The following IGF1R variants were observed in gnomAD, a reference collection of about 807,000 sequenced individuals.
IGF1R encodes insulin-like growth factor 1 receptor.
IGF1R carries 44 observed loss-of-function variants against 144.6 expected under a neutral mutation model. The ratio of observed to expected loss-of-function variants is 0.30; its 90% CI spans 0.24 to 0.39. The LOEUF is 0.39. IGF1R is among the 10% of genes least tolerant of loss of function. IGF1R has a pLI of 1.00. For synonymous variants in IGF1R, 795 were observed against 722.8 expected (o/e 1.10, Z -1.60); for missense variants, 1,355 against 1,833.7 (o/e 0.74, Z 4.77).
At chr15:98,783,817 G>T (rs1325916310) in intron 2 of IGF1R, among the ~76,000 whole-genome samples, 2 of 152,126 alleles carry the variant, frequency 1.3e-5, no homozygotes, top group Admixed American at 1.3e-4. Context: ...CGATGCTGTT[G>T]CTAGAAAGTG....
rs2053804660 is a variant in IGF1R, at chr15:98,704,162, C to T, written c.95-3400C>T. Among the ~76,000 whole-genome samples the T allele has an allele frequency of 1.3e-5, 2 of 151,834 alleles. No individual in the cohort carries two copies. Among genetic ancestry groups the T allele is most frequent in the Non-Finnish European group, 1.5e-5 (1 of 68,000 alleles). On this transcript the variant is annotated intron_variant, in intron 1 of 20. Coordinates refer to ENST00000650285, the MANE Select transcript of IGF1R (RefSeq NM_000875.5). The surrounding 1 kb of genome is among the most constrained non-coding windows in gnomAD (Gnocchi z 4.9). ...CTCCACAAAGGGTAATAAAATGGTT[C>T]GTTGTATACAAACTTTGTTTCATGC...
rs1461059080 is a variant in IGF1R at position 98,891,352 on chromosome 15, C to T, written c.668C>T (p.Ala223Val). The T allele has an allele frequency of 8.7e-6, 14 of 1,607,652 alleles. No homozygotes were observed. Among genetic ancestry groups the T allele is most frequent in the East Asian group, 2.2e-5 (1 of 44,884 alleles). ...KMCPSTCGKR[A>V]CTENNECCHP... ...TGCCCAAGCACGTGTGGGAAGCGGG[C>T]GTGCACCGAGAACAATGAGTGCTGC... Residue 223 changes from alanine to valine, a missense_variant, in exon 3 of 21, where the codon GCG becomes GTG. Ala to Val is a moderately conservative substitution (Grantham distance 64, BLOSUM62 0). Coordinates refer to ENST00000650285, the MANE Select transcript of IGF1R (RefSeq NM_000875.5). This position sits in a 1 kb window ranked among gnomAD's most constrained non-coding sequence, Gnocchi z 4.7.
In IGF1R at chr15:98,661,851, CTT is replaced by C. The variant is rs1160547327; in HGVS notation, c.94+12182_94+12183del. Among the ~76,000 whole-genome samples, 5 of 151,576 alleles carry C rather than the reference CTT, an allele frequency of 3.3e-5. No individual in the cohort carries two copies. In the East Asian group the frequency reaches 5.8e-4, roughly 18 times the overall value. On this transcript the variant is annotated intron_variant, in intron 1 of 20. Transcript: ENST00000650285. The stretch of plus-strand genomic sequence containing the variant: ...GCATCCAATAAATGGATGCTTTTCT[CTT>C]TTTTTCTCCTCCTCATGGTGGGTGG...
chr15:98,820,009 C>T (rs2056772333), intron 2 of IGF1R, among the ~76,000 whole-genome samples: 1 of 152,154 alleles, frequency 6.6e-6, no homozygotes, highest in Non-Finnish European at 1.5e-5. Flanking sequence ...ATAGTTTAAT[C>T]TCATAGACCC....
chr15:98,899,544 C>G lies in IGF1R; in HGVS notation c.1170C>G (p.Ile390Met), dbSNP rs1220556938. Reference protein sequence around the residue: ...LIEVVTGYVKIRHSHALVSLS... With the variant: ...LIEVVTGYVKMRHSHALVSLS... Reference sequence around the variant, plus strand: ...AGGTGGTGACGGGCTACGTGAAGATCCGCCATTCTCATGCCTTGGTCTCCT... The same window carrying G: ...AGGTGGTGACGGGCTACGTGAAGATGCGCCATTCTCATGCCTTGGTCTCCT... Residue 390 changes from isoleucine to methionine, a missense_variant, in exon 5 of 21, where the codon ATC becomes ATG. Physicochemically the swap from Ile to Met is conservative, Grantham distance 10 (BLOSUM62 1). Coordinates refer to ENST00000650285, the MANE Select transcript of IGF1R (RefSeq NM_000875.5). 2.5e-6 allele frequency: 4 copies of G among 1,614,122 alleles called. No homozygotes were observed. The highest frequency in any genetic ancestry group is 3.4e-6 in the Non-Finnish European group (4 of 1,179,972).
intron 2 of IGF1R, among the ~76,000 whole-genome samples, chr15:98,709,629 A>G (rs2053946873): frequency 6.6e-6 from 1 of 152,262 alleles, no homozygotes; most frequent in Non-Finnish European, 1.5e-5. Context: ...GGTGTTATCA[A>G]GGGAGGCAGC....
intron 2 of IGF1R, among the ~76,000 whole-genome samples, chr15:98,817,367 A>G (rs914970708): frequency 6.6e-6 from 1 of 151,932 alleles, no homozygotes; most frequent in Non-Finnish European, 1.5e-5. Flanking sequence ...TGGGGATGGT[A>G]GGATGCACAG....
chr15:98,803,374 A>G (rs2056402163), intron 2 of IGF1R, among the ~76,000 whole-genome samples: 2 of 152,176 alleles, frequency 1.3e-5, no homozygotes, highest in South Asian at 4.1e-4. Flanking sequence ...TGTATAGGGC[A>G]CTTACTAGGA....
chr15:98,917,250 T>G (rs2015296114), intron 10 of IGF1R, among the ~76,000 whole-genome samples: 1 of 152,172 alleles, frequency 6.6e-6, no homozygotes, highest in African/African-American at 2.4e-5. Flanking sequence ...TCTCTGCCCT[T>G]CCTAATTATC....
At chr15:98,793,560 A>G (rs2056173070) in intron 2 of IGF1R, among the ~76,000 whole-genome samples, 1 of 152,212 alleles carries the variant, frequency 6.6e-6, no homozygotes, top group South Asian at 2.1e-4. Flanking sequence ...CTATACTAAA[A>G]CAGGAAGAGA....
chr15:98,925,622 G>A lies in IGF1R; in HGVS notation c.2782+938G>A, dbSNP rs148696237. Among the ~76,000 whole-genome samples the A allele has an allele frequency of 2.0e-4, 30 of 152,292 alleles. No homozygotes were observed. The East Asian group carries it at 3.3e-3, about 17-fold the overall frequency. On this transcript the variant is annotated intron_variant, in intron 13 of 20. Coordinates refer to ENST00000650285, the MANE Select transcript of IGF1R (RefSeq NM_000875.5). ...GGAGTTACGTTAAAACATGCACTCC[G>A]CCGGGTGCAGTGGCTCACGCCTGTG...
At chr15:98,756,111 A>G (rs1284192988) in intron 2 of IGF1R, among the ~76,000 whole-genome samples, 2 of 152,182 alleles carry the variant, frequency 1.3e-5, no homozygotes, top group Admixed American at 1.3e-4. Context: ...AAAGCCCTAC[A>G]GATAGGGGTC....
intron 2 of IGF1R, among the ~76,000 whole-genome samples, chr15:98,732,440 G>C (rs139716066): frequency 1.3e-5 from 2 of 152,202 alleles, no homozygotes; most frequent in Admixed American, 6.5e-5. Flanking sequence ...AGGCAGTGAC[G>C]GTGAAGCAGG....
chr15:98,922,796 G>A (rs1442913037), intron 11 of IGF1R, among the ~76,000 whole-genome samples: 1 of 152,210 alleles, frequency 6.6e-6, no homozygotes, highest in Non-Finnish European at 1.5e-5. Flanking sequence ...GTCCAGAGAT[G>A]TCTCCAGTTA....
intron 1 of IGF1R, among the ~76,000 whole-genome samples, chr15:98,686,819 C>G (rs930131686): frequency 3.9e-5 from 6 of 152,050 alleles, no homozygotes; most frequent in Non-Finnish European, 2.9e-5. Context: ...TATGTTCCTG[C>G]GCCATCACTC....
chr15:98,955,776 G>C (rs898330895), intron 20 of IGF1R, among the ~76,000 whole-genome samples: 1 of 152,230 alleles, frequency 6.6e-6, no homozygotes, highest in African/African-American at 2.4e-5. Context: ...GGCCAGACAC[G>C]GGCAGGTAGT....
chr15:98,709,640 A>T (rs2053947037), intron 2 of IGF1R, among the ~76,000 whole-genome samples: 1 of 152,254 alleles, frequency 6.6e-6, no homozygotes. Flanking sequence ...GGGAGGCAGC[A>T]TGGAGTAGAA....
chr15:98,739,355 T>C (rs961555096), intron 2 of IGF1R, among the ~76,000 whole-genome samples: 1 of 152,150 alleles, frequency 6.6e-6, no homozygotes, highest in Admixed American at 6.5e-5. Flanking sequence ...CTCTTAGGCC[T>C]GCGTGCTGTG....
At chr15:98,786,562 A>G (rs2056002636) in intron 2 of IGF1R, among the ~76,000 whole-genome samples, 1 of 152,166 alleles carries the variant, frequency 6.6e-6, no homozygotes, top group Non-Finnish European at 1.5e-5. Flanking sequence ...AAAATCTATA[A>G]GCCTATTTCA....
Sources: gnomAD v4.1 joint callset for allele counts (sites outside exome capture counted in the v4.1 genomes callset) on GRCh38, gnomAD v4.1.1 for gene constraint, Gnocchi (gnomAD v3.1) non-coding constraint, MANE v1.5 for transcripts, NCBI Gene and HGNC (gene_info 2026-07-23, HGNC 2026-07-21) for gene names.